ADAMTSL1: variants seen among roughly 807,000 people sequenced by gnomAD.
ADAMTSL1 encodes ADAMTS-like protein 1.
ADAMTSL1 carries 126 observed loss-of-function variants against 201.8 expected under a neutral mutation model. That is an observed-to-expected ratio of 0.62 (90% CI 0.54 to 0.72). The LOEUF (loss-of-function observed/expected upper bound fraction) is 0.72. ADAMTSL1 is among the 30% of genes least tolerant of loss of function. ADAMTSL1 has a pLI of 0.00. For synonymous variants in ADAMTSL1, 1,121 were observed against 903.4 expected (o/e 1.24, Z -4.32); for missense variants, 2,679 against 2,277.8 (o/e 1.18, Z -3.59).
chr9:18,169,187 T>C (rs1477897095), intron 2 of ADAMTSL1, among the ~76,000 whole-genome samples: 1 of 151,864 alleles, frequency 6.6e-6, no homozygotes, highest in Non-Finnish European at 1.5e-5. Flanking sequence ...GTTTTAGGTA[T>C]GAAGTCCTTG....
intron 1 of ADAMTSL1, among the ~76,000 whole-genome samples, chr9:18,081,153 A>C (rs1823483716): frequency 6.6e-6 from 1 of 152,198 alleles, no homozygotes; most frequent in Admixed American, 6.5e-5. Flanking sequence ...GTGGGGGTGG[A>C]CTTTGATAAG....
At chr9:18,177,673 G>C (rs1563787821) in intron 2 of ADAMTSL1, among the ~76,000 whole-genome samples, 1 of 152,196 alleles carries the variant, frequency 6.6e-6, no homozygotes, top group Non-Finnish European at 1.5e-5. Flanking sequence ...CAGTGAGAAA[G>C]AGGAAAGGAC....
intron 5 of ADAMTSL1, among the ~76,000 whole-genome samples, chr9:18,633,021 A>G (rs1826875492): frequency 6.6e-6 from 1 of 152,170 alleles, no homozygotes; most frequent in African/African-American, 2.4e-5. Context: ...ATATTACAGC[A>G]TCAGCCAAGA....
chr9:18,199,246 A>G (rs1430357962), intron 2 of ADAMTSL1, among the ~76,000 whole-genome samples: 3 of 152,084 alleles, frequency 2.0e-5, no homozygotes, highest in Admixed American at 1.3e-4. Flanking sequence ...GTACCCTAAA[A>G]CTTAAAGTGT....
intron 4 of ADAMTSL1, among the ~76,000 whole-genome samples, chr9:18,588,011 A>G (rs1361329079): frequency 6.6e-6 from 1 of 152,132 alleles, no homozygotes; most frequent in Non-Finnish European, 1.5e-5. Context: ...GCTGGATCAT[A>G]TAGTAGTTCT....
chr9:18,257,691 C>T lies in ADAMTSL1; in HGVS notation c.207+93710C>T, dbSNP rs149628028. The stretch of plus-strand genomic sequence containing the variant: ...ATATTCTCTTTCTAGATATATACCC[C>T]CAAAGAACCGAAAGCACACACCCAT... On this transcript the variant is annotated intron_variant, in intron 2 of 29. Transcript: ENST00000680146. Among the ~76,000 whole-genome samples the T allele has an allele frequency of 1.0e-3, 156 of 152,180 alleles. 1 individual carries two copies. Among genetic ancestry groups the T allele is most frequent in the African/African-American group, 3.7e-3 (154 of 41,540 alleles).
chr9:18,058,888 C>T (rs1315991841), intron 1 of ADAMTSL1, among the ~76,000 whole-genome samples: 1 of 152,194 alleles, frequency 6.6e-6, no homozygotes, highest in African/African-American at 2.4e-5. Context: ...ACAAACTGCT[C>T]TGCCAGTCCC....
chr9:17,979,223 G>A (rs1474409122), intron 1 of ADAMTSL1, among the ~76,000 whole-genome samples: 2 of 151,836 alleles, frequency 1.3e-5, no homozygotes, highest in African/African-American at 4.8e-5. Flanking sequence ...CCCAGATCTG[G>A]GGAGTTTCCA....
chr9:18,284,169 C>T (rs887134523), intron 2 of ADAMTSL1, among the ~76,000 whole-genome samples: 1 of 151,272 alleles, frequency 6.6e-6, no homozygotes, highest in Non-Finnish European at 1.5e-5. Flanking sequence ...GCAGAGGTTG[C>T]AGTGAGCCGA....
At chr9:18,542,345 C>T (rs1820203936) in intron 3 of ADAMTSL1, among the ~76,000 whole-genome samples, 1 of 152,150 alleles carries the variant, frequency 6.6e-6, no homozygotes, top group African/African-American at 2.4e-5. Flanking sequence ...GTACCTGACT[C>T]AGTCATGTTG....
chr9:18,651,970 T>A (rs1489797309), intron 7 of ADAMTSL1, among the ~76,000 whole-genome samples: 1 of 151,960 alleles, frequency 6.6e-6, no homozygotes, highest in East Asian at 1.9e-4. Context: ...AGATTGACCA[T>A]CCTATATAGT....
chr9:18,090,322 A>G (rs1823952911), intron 1 of ADAMTSL1, among the ~76,000 whole-genome samples: 1 of 152,220 alleles, frequency 6.6e-6, no homozygotes, highest in South Asian at 2.1e-4. Context: ...AGCATTATTC[A>G]CAATAGCCAA....
At chr9:17,939,207 A>C (rs1169759174) in intron 1 of ADAMTSL1, among the ~76,000 whole-genome samples, 1 of 151,934 alleles carries the variant, frequency 6.6e-6, no homozygotes, top group Non-Finnish European at 1.5e-5. Context: ...CTTGTTTCTT[A>C]CTTGGTCCCT....
rs1368918785 is a variant in ADAMTSL1, at chr9:18,273,554, C to T, written c.207+109573C>T. Among the ~76,000 whole-genome samples, 6 of 152,176 alleles carry T rather than the reference C, an allele frequency of 3.9e-5. No homozygotes were observed. In the East Asian group the frequency reaches 9.6e-4, roughly 24 times the overall value. On this transcript the variant is annotated intron_variant, in intron 2 of 29. Transcript: ENST00000680146. ...TTTCTAGTAATTTTGGTTCTGCAGG[C>T]CCCCTGGTTACATTTATCTTCCAAA...
chr9:18,793,077 C>T (rs1417584062), intron 19 of ADAMTSL1: 2 of 152,206 alleles, frequency 1.3e-5, no homozygotes, highest in African/African-American at 2.4e-5. Context: ...TGCCACAAAA[C>T]TTGAGGGTCT....
At chr9:18,165,032 G>T (rs568928705) in intron 2 of ADAMTSL1, among the ~76,000 whole-genome samples, 2 of 151,810 alleles carry the variant, frequency 1.3e-5, no homozygotes, top group African/African-American at 4.8e-5. Flanking sequence ...TTTTCATATG[G>T]TTCATATATT....
At chr9:18,024,318 A>G (rs1176782078) in intron 1 of ADAMTSL1, among the ~76,000 whole-genome samples, 1 of 152,014 alleles carries the variant, frequency 6.6e-6, no homozygotes, top group African/African-American at 2.4e-5. Context: ...GCTAAATGGT[A>G]TATTGTGTGA....
chr9:18,714,290 A>C (rs1477054290), intron 14 of ADAMTSL1, among the ~76,000 whole-genome samples: 1 of 151,622 alleles, frequency 6.6e-6, no homozygotes, highest in African/African-American at 2.4e-5. Context: ...AAAACCCTTC[A>C]AAAAATTAAT....
At chr9:18,727,709 A>C (rs1817973361) in intron 15 of ADAMTSL1, among the ~76,000 whole-genome samples, 1 of 152,232 alleles carries the variant, frequency 6.6e-6, no homozygotes, top group African/African-American at 2.4e-5. Flanking sequence ...ATGTGTGAGC[A>C]TGTGTGACCA....
Sources: allele counts gnomAD v4.1 joint callset (sites outside exome capture counted in the v4.1 genomes callset), GRCh38; gene constraint gnomAD v4.1.1; transcripts MANE v1.5; gene names NCBI Gene and HGNC (gene_info 2026-07-23, HGNC 2026-07-21).